Variants in OR11A1 observed in about 807,000 individuals in gnomAD.
OR11A1 encodes olfactory receptor family 11 subfamily A member 1.
For missense variants in OR11A1, 380 were observed against 378.2 expected (o/e 1.00, Z -0.04); for synonymous variants, 158 against 152.2 (o/e 1.04, Z -0.28).
rs558793072 is a variant in OR11A1, at chr6:29,443,741, C to A, written c.-388-11754G>T. Reference sequence around the variant, plus strand: ...ATTAAGTAATCACTTTTCCTCTTAACATGACAGCTAGCAAGTTTCCACCTG... The same window carrying A: ...ATTAAGTAATCACTTTTCCTCTTAAAATGACAGCTAGCAAGTTTCCACCTG... On this transcript the variant is annotated intron_variant, in intron 1 of 4. Coordinates refer to ENST00000377149, the MANE Select transcript of OR11A1 (RefSeq NM_001394828.1). 2.0e-5 allele frequency among the ~76,000 whole-genome samples: 3 copies of A among 152,304 alleles called. No individual in the cohort carries two copies. In the East Asian group the frequency reaches 5.8e-4, roughly 29 times the overall value.
intron 1 of OR11A1, among the ~76,000 whole-genome samples, chr6:29,452,216 C>A (rs543798210): frequency 6.6e-6 from 1 of 152,188 alleles, no homozygotes; most frequent in Non-Finnish European, 1.5e-5. Context: ...CAAAAAACTA[C>A]CTATTGGTTA....
At chr6:29,445,156 A>G (rs1386051180) in intron 1 of OR11A1, among the ~76,000 whole-genome samples, 1 of 152,024 alleles carries the variant, frequency 6.6e-6, no homozygotes, top group Non-Finnish European at 1.5e-5. Context: ...ACAGGAGCCT[A>G]CCACCATGCC....
intron 1 of OR11A1, chr6:29,440,432 G>A (rs139835598): frequency 6.2e-6 from 10 of 1,613,976 alleles, no homozygotes; most frequent in African/African-American, 1.3e-5. Context: ...GCCACCGGGT[G>A]TGTCTACAGC....
chr6:29,436,987 G>A (rs189882579), intron 1 of OR11A1, among the ~76,000 whole-genome samples: 1 of 152,210 alleles, frequency 6.6e-6, no homozygotes, highest in African/African-American at 2.4e-5. Flanking sequence ...AGCACAATGA[G>A]ATACCATCTC....
intron 1 of OR11A1, among the ~76,000 whole-genome samples, chr6:29,435,292 G>A (rs1031025771): frequency 9.2e-5 from 14 of 152,204 alleles, no homozygotes; most frequent in Non-Finnish European, 2.1e-4. Flanking sequence ...AGGACCAGAG[G>A]AGACATTCCT....
intron 1 of OR11A1, among the ~76,000 whole-genome samples, chr6:29,437,274 A>T (rs181435212): frequency 6.6e-6 from 1 of 152,336 alleles, no homozygotes; most frequent in Admixed American, 6.5e-5. Context: ...AATAGCAAAG[A>T]CTTGGAACCA....
At chr6:29,433,800 A>T (rs1783427059) in intron 1 of OR11A1, among the ~76,000 whole-genome samples, 1 of 152,152 alleles carries the variant, frequency 6.6e-6, no homozygotes, top group Non-Finnish European at 1.5e-5. Flanking sequence ...CCAAAAGTGT[A>T]TGAGTTCTCC....
At position 29,446,617 on chromosome 6, in the gene OR11A1, C is replaced by T. The variant is rs189351481; in HGVS notation, c.-389+10370G>A. 2.0e-5 allele frequency among the ~76,000 whole-genome samples: 3 copies of T among 152,272 alleles called. No homozygotes were observed. The East Asian group carries it at 5.8e-4, about 29-fold the overall frequency. ...GTATGGATATAGTTAGAGAAACAAGCCTCAAGGCACAACGATTGACTGAGG... is the reference window on the plus strand; with the variant it reads ...GTATGGATATAGTTAGAGAAACAAGTCTCAAGGCACAACGATTGACTGAGG... On this transcript the variant is annotated intron_variant, in intron 1 of 4. Coordinates refer to ENST00000377149, the MANE Select transcript of OR11A1 (RefSeq NM_001394828.1).
intron 1 of OR11A1, among the ~76,000 whole-genome samples, chr6:29,433,713 G>A (rs543278197): frequency 6.6e-6 from 1 of 151,802 alleles, no homozygotes; most frequent in African/African-American, 2.4e-5. Flanking sequence ...TCATACAACG[G>A]TTCTATTTTT....
rs114365305 is a variant in OR11A1, at chr6:29,436,205, C to T, written c.-388-4218G>A. 8.0e-3 allele frequency among the ~76,000 whole-genome samples: 1,218 copies of T among 152,322 alleles called. 14 individuals are homozygous for T. Among genetic ancestry groups the T allele is most frequent in the East Asian group, 0.025 (131 of 5,190 alleles). On this transcript the variant is annotated intron_variant, in intron 1 of 4. Coordinates refer to ENST00000377149, the MANE Select transcript of OR11A1 (RefSeq NM_001394828.1). ...CCCCACCTGATGCTGAGCAAGGAAA[C>T]GCTCTGTCCTCTTGTTTCAGCTATT...
chr6:29,426,341 A>T lies in OR11A1; in HGVS notation c.*353T>A, dbSNP rs951997449. The T allele has an allele frequency of 9.1e-6, 2 of 218,686 alleles. No individual in the cohort carries two copies. The highest frequency in any genetic ancestry group is 2.3e-5 in the African/African-American group (1 of 43,966). 13.5% of individuals were successfully genotyped at this position (218,686 alleles called of 1,614,324 possible). On this transcript the variant is annotated 3_prime_UTR_variant, in exon 5 of 5. Coordinates refer to ENST00000377149, the MANE Select transcript of OR11A1 (RefSeq NM_001394828.1). ...GGAGCTAAATTATGAAAACATATGGATACATAGAGGGGAACAACACACTGA... is the reference window on the plus strand; with the variant it reads ...GGAGCTAAATTATGAAAACATATGGTTACATAGAGGGGAACAACACACTGA...
rs1320227968 is a variant in OR11A1, at chr6:29,427,469, T to C, written c.173A>G (p.His58Arg). The change falls in exon 5 of 5, where the codon CAC becomes CGC. Residue 58 changes from histidine to arginine, a missense_variant. Coordinates refer to ENST00000377149, the MANE Select transcript of OR11A1 (RefSeq NM_001394828.1). Reference protein sequence around the residue: ...IVAVVSSQRLHKPMYIFLANL... With the variant: ...IVAVVSSQRLRKPMYIFLANL... ...CGCCAAGAAAATATACATGGGTTTGTGGAGCCTCTGGGAGCTAACCACTGC... is the reference window on the plus strand; with the variant it reads ...CGCCAAGAAAATATACATGGGTTTGCGGAGCCTCTGGGAGCTAACCACTGC... 2 of 1,613,088 alleles carry C rather than the reference T, an allele frequency of 1.2e-6. No homozygotes were observed. Among genetic ancestry groups the C allele is most frequent in the Non-Finnish European group, 1.7e-6 (2 of 1,180,036 alleles).
intron 1 of OR11A1, among the ~76,000 whole-genome samples, chr6:29,432,892 C>T (rs73403382): frequency 0.067 from 10,178 of 152,028 alleles, 579 homozygotes; most frequent in African/African-American, 0.15. Context: ...CTGTAGTTCA[C>T]AGTAAATGCC....
intron 1 of OR11A1, among the ~76,000 whole-genome samples, chr6:29,434,261 C>T (rs1451791256): frequency 6.6e-6 from 1 of 152,138 alleles, no homozygotes; most frequent in Non-Finnish European, 1.5e-5. Flanking sequence ...TGGAACTTTT[C>T]TCCTATATTT....
At chr6:29,430,223 G>T (rs2394609) in intron 3 of OR11A1, 78 bp downstream of exon 3, 274,643 of 900,496 alleles carry the variant, frequency 0.3, 41,821 homozygotes, top group East Asian at 0.32. Context: ...AGAGAAGAAT[G>T]CTGTTCTTCA....
rs990299362 is a variant in OR11A1, at chr6:29,426,709, A to T, written c.933T>A (p.Thr311=). 1 of 1,609,332 alleles carries T rather than the reference A, an allele frequency of 6.2e-7. No homozygotes were observed. The highest frequency in any genetic ancestry group is 8.5e-7 in the Non-Finnish European group (1 of 1,177,770). The change falls in exon 5 of 5, where the codon ACT becomes ACA. Residue 311 remains threonine (T), a synonymous_variant. Coordinates refer to ENST00000377149, the MANE Select transcript of OR11A1 (RefSeq NM_001394828.1). ...TTACTCTCCTTCAATCAAGTGTTTC[A>T]GTTTGTTTGATACAGAGAATCTTCC... The part of the protein sequence containing the change: ...ALRKILCIKQ[T]ETLD
Position 29,430,316 on chromosome 6 carries a change from G to C in OR11A1, c.-155C>G. 2 of 985,374 alleles carry C rather than the reference G, an allele frequency of 2.0e-6. No individual in the cohort carries two copies. Among genetic ancestry groups the C allele is most frequent in the Non-Finnish European group, 2.4e-6 (2 of 829,934 alleles). The allele number at this position is 985,374 out of a possible 1,614,324, so 61.0% of individuals were successfully genotyped here. ...ATTCTCTTACCCTTTGATCCCATCT[G>C]CATTTCCTTGTGAGTGAATCTGGCA... On this transcript the variant is annotated 5_prime_UTR_variant, in exon 3 of 5. Coordinates refer to ENST00000377149, the MANE Select transcript of OR11A1 (RefSeq NM_001394828.1).
chr6:29,442,992 T>G (rs762268156), intron 1 of OR11A1, among the ~76,000 whole-genome samples: 1 of 152,220 alleles, frequency 6.6e-6, no homozygotes, highest in Non-Finnish European at 1.5e-5. Flanking sequence ...AGCCATTGGT[T>G]TACATTGAGA....
chr6:29,436,800 T>G (rs150514039), intron 1 of OR11A1, among the ~76,000 whole-genome samples: 1 of 152,254 alleles, frequency 6.6e-6, no homozygotes, highest in Non-Finnish European at 1.5e-5. Context: ...AGTTCAGTGC[T>G]CTGTCAGCTG....
Sources: gnomAD v4.1 joint callset for allele counts (sites outside exome capture counted in the v4.1 genomes callset) on GRCh38, gnomAD v4.1.1 for gene constraint, MANE v1.5 for transcripts, NCBI Gene and HGNC (gene_info 2026-07-23, HGNC 2026-07-21) for gene names.